MYCBPAP: variants seen among roughly 807,000 people sequenced by gnomAD.
MYCBPAP encodes the protein MYCBP-associated protein.
MYCBPAP carries 60 observed loss-of-function variants against 106.1 expected under a neutral mutation model. The ratio of observed to expected loss-of-function variants is 0.57; its 90% CI spans 0.46 to 0.70. The LOEUF (loss-of-function observed/expected upper bound fraction) is 0.70, where lower values mean the gene tolerates loss of function less well. MYCBPAP is among the 30% of genes least tolerant of loss of function. The pLI is 0.00. For missense variants in MYCBPAP, 1,064 were observed against 1,169.3 expected, an observed-to-expected ratio of 0.91 and a Z score of 1.31; for synonymous variants, 407 against 440.6, an observed-to-expected ratio of 0.92 and a Z score of 0.95.
chr17:50,508,306 C>A, upstream of MYCBPAP: 1 of 446,788 alleles, frequency 2.2e-6, no homozygotes, highest in South Asian at 3.8e-5. Flanking sequence ...CCCTACCAGC[C>A]AGCCACTCCC....
In MYCBPAP at chr17:50,531,493, T is replaced by A; in HGVS notation, c.*65T>A. On this transcript the variant is annotated 3_prime_UTR_variant, in exon 19 of 19. Transcript: ENST00000323776. ...AATAAATCAATAAAGAACCTTCAAGTTTCTACTACTTCCGTGTGCCTCTGT... is the reference window on the plus strand; with the variant it reads ...AATAAATCAATAAAGAACCTTCAAGATTCTACTACTTCCGTGTGCCTCTGT... 2 of 1,224,868 alleles carry A rather than the reference T, an allele frequency of 1.6e-6. No homozygotes were observed. Among genetic ancestry groups the A allele is most frequent in the South Asian group, 1.4e-5 (1 of 69,588 alleles). 75.9% of individuals were successfully genotyped at this position (1,224,868 alleles called of 1,614,324 possible). A position where few individuals can be genotyped will look rare whatever the true frequency, so the allele number is the denominator to read the frequency against.
chr17:50,529,262 T>C, intron 18 of MYCBPAP, 74 bp downstream of exon 18: 3 of 1,393,212 alleles, frequency 2.2e-6, no homozygotes, highest in Non-Finnish European at 2.9e-6. Flanking sequence ...CTGCAGACAA[T>C]AAGTGCCCAC....
intron 5 of MYCBPAP, 53 bp from the exon 6 acceptor site, chr17:50,518,921 C>T: frequency 1.9e-6 from 3 of 1,548,026 alleles, no homozygotes; most frequent in Non-Finnish European, 2.7e-6. Flanking sequence ...ACTGCCAAGG[C>T]CCCTGTTTGT....
In MYCBPAP at chr17:50,510,491, GTGTGTGTGTA is replaced by G. The variant is rs1362549828; in HGVS notation, c.76+1743_76+1752del. On this transcript the variant is annotated intron_variant, in intron 1 of 18. Transcript: ENST00000323776. ...TGTATATATGTGTGTGTGTGTGTGTGTGTGTGTGTATATATATATATATATATATATATAT... is the reference window on the plus strand; with the variant it reads ...TGTATATATGTGTGTGTGTGTGTGTGTATATATATATATATATATATATAT... The G allele has an allele frequency of 2.2e-3, 252 of 113,820 alleles. 3 individuals carry two copies. The highest frequency in any genetic ancestry group is 7.3e-3 in the African/African-American group (235 of 32,074). The allele number at this position is 113,820 out of a possible 1,614,324, so 7.1% of individuals were successfully genotyped here.
intron 1 of MYCBPAP, among the ~76,000 whole-genome samples, chr17:50,514,150 A>G (rs35714029): frequency 1.3e-5 from 2 of 152,150 alleles, no homozygotes; most frequent in African/African-American, 2.4e-5. Flanking sequence ...CGGCCTCTCA[A>G]AGTGTTGGGA....
rs765771754 is a variant in MYCBPAP at position 50,521,243 on chromosome 17, G to A, written c.1032+18G>A. ...GCCAGCAGGTTGGTATGGCCTCCAT[G>A]CCCCAGTCAGAAGCCCCTTGGGGCG... On this transcript the variant is annotated intron_variant, in intron 8 of 18. Coordinates refer to ENST00000323776, the MANE Select transcript of MYCBPAP (RefSeq NM_032133.6). 2 of 1,603,208 alleles carry A rather than the reference G, an allele frequency of 1.2e-6. No individual in the cohort carries two copies. Among genetic ancestry groups the A allele is most frequent in the South Asian group, 2.2e-5 (2 of 89,264 alleles).
In MYCBPAP at chr17:50,523,083, C is replaced by G; in HGVS notation, c.1402C>G (p.Leu468Val). ...GCACCAGCCGGACACTTTCCAAGAC[C>G]TTAAGAAAAACAGGATGCAGCGATT... is the stretch of plus-strand genomic sequence containing the variant. ...RQHQPDTFQD[L>V]KKNRMQRFYF... Residue 468 changes from leucine (L) to valine (V), a missense_variant, in exon 11 of 19, where the codon CTT (leucine) becomes GTT (valine). Physicochemically the swap from Leu to Val is conservative, Grantham distance 32. Transcript: ENST00000323776. The G allele has an allele frequency of 1.9e-6, 3 of 1,614,090 alleles. No individual in the cohort carries two copies. The highest frequency in any genetic ancestry group is 2.5e-6 in the Non-Finnish European group (3 of 1,180,012).
intron 1 of MYCBPAP, among the ~76,000 whole-genome samples, chr17:50,515,208 CT>C (rs148491437): frequency 0.24 from 35,778 of 149,612 alleles, 5,314 homozygotes; most frequent in African/African-American, 0.43. Context: ...CCCTCCCTGA[CT>C]CCCCCACCTC....
At chr17:50,528,941 A>G (rs2034548085) in intron 17 of MYCBPAP, 77 bp from the exon 18 acceptor site, 1 of 1,597,168 alleles carries the variant, frequency 6.3e-7, no homozygotes, top group Admixed American at 1.7e-5. Flanking sequence ...AGGCTCTCCC[A>G]GTGAGCTACT....
chr17:50,522,165 C>A, intron 10 of MYCBPAP, 84 bp downstream of exon 10: 1 of 1,101,434 alleles, frequency 9.1e-7, no homozygotes, highest in Admixed American at 1.9e-5. Flanking sequence ...CAGCAGCCTG[C>A]ACAGTCTCCT....
chr17:50,520,846 A>C (rs2034230850), intron 7 of MYCBPAP: 2 of 422,638 alleles, frequency 4.7e-6, no homozygotes, highest in East Asian at 9.4e-5. Context: ...ATTGTTAAGC[A>C]CTCAATAAAA....
At chr17:50,510,457 A>T (rs1249285703) in intron 1 of MYCBPAP, 2 of 131,058 alleles carry the variant, frequency 1.5e-5, no homozygotes, top group Non-Finnish European at 3.2e-5. Flanking sequence ...TATATATATT[A>T]TGTATATGTG....
At position 50,518,602 on chromosome 17, in the gene MYCBPAP, CAA is replaced by C; in HGVS notation, c.532_533del (p.Lys178AlafsTer27). 1.2e-6 allele frequency: 2 copies of C among 1,608,482 alleles called. No homozygotes were observed. The highest frequency in any genetic ancestry group is 2.2e-5 in the South Asian group (2 of 90,316). On this transcript the variant is annotated frameshift_variant, in exon 5 of 19. Coordinates refer to ENST00000323776, the MANE Select transcript of MYCBPAP (RefSeq NM_032133.6). LOFTEE classifies it high-confidence loss of function. Reference sequence around the variant, plus strand: ...ACCCTCATCTCTGCTGAAGGAGAGTCAAAGCAAAAAGCCCCAAAAGAAGAGAA... The same window carrying C: ...ACCCTCATCTCTGCTGAAGGAGAGTCAGCAAAAAGCCCCAAAAGAAGAGAA...
Position 50,531,482 on chromosome 17 carries a change from G to T in MYCBPAP, c.*54G>T. The T allele has an allele frequency of 7.3e-7, 1 of 1,368,100 alleles. No individual in the cohort carries two copies. The highest frequency in any genetic ancestry group is 1.3e-5 in the South Asian group (1 of 76,162). 84.7% of individuals were successfully genotyped at this position (1,368,100 alleles called of 1,614,324 possible). On this transcript the variant is annotated 3_prime_UTR_variant, in exon 19 of 19. Transcript: ENST00000323776. ...ACGGGTTAATAAATAAATCAATAAA[G>T]AACCTTCAAGTTTCTACTACTTCCG...
chr17:50,512,058 T>TTTC (rs2033872510), intron 1 of MYCBPAP, among the ~76,000 whole-genome samples: 1 of 150,456 alleles, frequency 6.6e-6, no homozygotes, highest in East Asian at 1.9e-4. Context: ...GTTTTCTTTT[T>TTTC]TTTTTTTTTT....
rs753250475 is a variant in MYCBPAP, at chr17:50,523,778, A to G, written c.1629A>G (p.Val543=). Residue 543 remains valine, a synonymous_variant, in exon 12 of 19, where the codon GTA becomes GTG. Coordinates refer to ENST00000323776, the MANE Select transcript of MYCBPAP (RefSeq NM_032133.6). The part of the protein sequence containing the change: ...TQDVFEDERK[V]LESKLTAHEA... Reference sequence around the variant, plus strand: ...ACGTTTTTGAGGATGAGAGGAAAGTACTGGAGGTAAGGGACCCAGGACCAT... The same window carrying G: ...ACGTTTTTGAGGATGAGAGGAAAGTGCTGGAGGTAAGGGACCCAGGACCAT... 4 of 1,613,872 alleles carry G rather than the reference A, an allele frequency of 2.5e-6. No homozygotes were observed. The highest frequency in any genetic ancestry group is 3.4e-6 in the Non-Finnish European group (4 of 1,179,888).
chr17:50,525,214 G>A, intron 13 of MYCBPAP, 191 bp downstream of exon 13: 1 of 606,192 alleles, frequency 1.6e-6, no homozygotes, highest in Non-Finnish European at 2.8e-6. Context: ...GCGCATGCGA[G>A]GGATGGAAAT....
intron 12 of MYCBPAP, among the ~76,000 whole-genome samples, chr17:50,524,212 C>T (rs1008664481): frequency 1.2e-4 from 18 of 152,188 alleles, no homozygotes; most frequent in Non-Finnish European, 2.4e-4. Flanking sequence ...CACCGTCCCA[C>T]TCAATCAGCT....
intron 13 of MYCBPAP, among the ~76,000 whole-genome samples, chr17:50,525,594 C>G (rs2143982028): frequency 6.6e-6 from 1 of 152,088 alleles, no homozygotes; most frequent in Admixed American, 6.5e-5. Context: ...TCAGGTGATC[C>G]TCCCACCTCA....
Sources: allele counts gnomAD v4.1 joint callset (sites outside exome capture counted in the v4.1 genomes callset), GRCh38; gene constraint gnomAD v4.1.1; transcripts MANE v1.5; gene names NCBI Gene and HGNC (gene_info 2026-07-23, HGNC 2026-07-21).